HDX: variants seen among roughly 807,000 people sequenced by gnomAD.
HDX encodes the protein highly divergent homeobox, also known as chromosome X open reading frame 43.
HDX carries 19 observed loss-of-function variants against 45.2 expected under a neutral mutation model. The observed-to-expected ratio is 0.42, with a 90% CI of 0.29 to 0.62. The LOEUF (loss-of-function observed/expected upper bound fraction) is 0.62, where lower values mean the gene tolerates loss of function less well. HDX is among the 20% of genes least tolerant of loss of function. The probability of loss-of-function intolerance (pLI) is 0.20; values close to 1 mark genes in which losing one functional copy is unlikely to be tolerated. For synonymous variants in HDX, 188 were observed against 172.8 expected (o/e 1.09, Z -0.69); for missense variants, 532 against 493.9 (o/e 1.08, Z -0.73).
chrX:84,484,888 G>A (rs2040758726), intron 2 of HDX, among the ~76,000 whole-genome samples: 1 of 111,010 alleles, frequency 9.0e-6, no homozygotes, highest in South Asian at 3.8e-4. Context: ...GTTGATCTGG[G>A]ACCTTTCTTC....
intron 3 of HDX, among the ~76,000 whole-genome samples, chrX:84,474,456 G>T (rs1369208626): frequency 3.4e-4 from 38 of 111,691 alleles, no homozygotes; most frequent in Non-Finnish European, 1.1e-4. Flanking sequence ...GGTCTTTGAA[G>T]GTACATCGAA....
At chrX:84,470,581 T>A (rs1175786652) in intron 3 of HDX, among the ~76,000 whole-genome samples, 1 of 111,429 alleles carries the variant, frequency 9.0e-6, no homozygotes, top group Non-Finnish European at 1.9e-5. Context: ...CTTCTTTACA[T>A]TTTTCTCAAC....
Position 84,319,694 on chromosome X carries a change from G to A in HDX, c.*2195C>T, listed in dbSNP as rs901715393. 9.0e-6 allele frequency: 1 copy of A among 111,059 alleles called. No homozygotes were observed. Among genetic ancestry groups the A allele is most frequent in the Non-Finnish European group, 1.9e-5 (1 of 52,499 alleles). The allele number at this position is 111,059 out of a possible 1,213,427, so 9.2% of individuals were successfully genotyped here. A position where few individuals can be genotyped will look rare whatever the true frequency, so the allele number is the denominator to read the frequency against. On this transcript the variant is annotated 3_prime_UTR_variant, in exon 11 of 11. Coordinates refer to ENST00000373177, the MANE Select transcript of HDX (RefSeq NM_001177479.2). ...GCTTTCTCTCAAAATTGTGGACTAG[G>A]AATCCTTCTAAGAATCACACCTAGC...
Position 84,330,863 on chromosome X carries a change from C to T in HDX, c.1824+2896G>A, listed in dbSNP as rs191706293. Among the ~76,000 whole-genome samples the T allele has an allele frequency of 2.7e-3, 297 of 111,970 alleles. 2 individuals carry two copies. The highest frequency in any genetic ancestry group is 9.3e-3 in the African/African-American group (287 of 30,925). On this transcript the variant is annotated intron_variant, in intron 9 of 10. Transcript: ENST00000373177. ...TGCTTTGCAAGCCTATTAAATACTT[C>T]CTAGATAACAGGCAGTAATTTATGT...
intron 5 of HDX, among the ~76,000 whole-genome samples, chrX:84,433,944 T>G (rs931296338): frequency 1.3e-4 from 15 of 111,387 alleles, no homozygotes; most frequent in African/African-American, 4.9e-4. Flanking sequence ...TTCTTTCAGT[T>G]TTTGTAAATA....
intron 8 of HDX, among the ~76,000 whole-genome samples, chrX:84,334,177 T>G (rs933106555): frequency 8.9e-6 from 1 of 111,854 alleles, no homozygotes; most frequent in Non-Finnish European, 1.9e-5. Context: ...TCTATTTTAA[T>G]GCGAGTAAAC....
chrX:84,420,111 A>C lies in HDX; in HGVS notation c.1305+20421T>G, dbSNP rs568269297. ...TCCCAGACACTGAAAAACATCTTTC[A>C]ATACCACCCAGGAAACATAACCTTA... On this transcript the variant is annotated intron_variant, in intron 5 of 10. Transcript: ENST00000373177. 1.4e-4 allele frequency among the ~76,000 whole-genome samples: 16 copies of C among 112,026 alleles called. No homozygotes were observed. The South Asian group carries it at 2.6e-3, about 18-fold the overall frequency.
intron 5 of HDX, among the ~76,000 whole-genome samples, chrX:84,428,864 C>T (rs777351272): frequency 8.1e-5 from 9 of 110,457 alleles, no homozygotes; most frequent in Admixed American, 9.7e-5. Flanking sequence ...ATTATGTCTA[C>T]GATCCATTTT....
At position 84,406,330 on chromosome X, in the gene HDX, A is replaced by T. The variant is rs182204139; in HGVS notation, c.1305+34202T>A. The stretch of plus-strand genomic sequence containing the variant: ...AAATAAGGTAATTTTGGCTAATGTG[A>T]CACGCTATTAAGAAAACTAGGTGAA... On this transcript the variant is annotated intron_variant, in intron 5 of 10. Coordinates refer to ENST00000373177, the MANE Select transcript of HDX (RefSeq NM_001177479.2). 1.1e-3 allele frequency among the ~76,000 whole-genome samples: 123 copies of T among 110,945 alleles called. 1 individual carries two copies. The highest frequency in any genetic ancestry group is 4.7e-3 in the Middle Eastern group (1 of 212).
chrX:84,454,570 C>A (rs932119907), intron 4 of HDX, among the ~76,000 whole-genome samples: 7 of 110,734 alleles, frequency 6.3e-5, no homozygotes, highest in African/African-American at 2.3e-4. Flanking sequence ...GAATAGAACA[C>A]CAACTAGATT....
At chrX:84,436,919 C>G (rs1486031850) in intron 5 of HDX, among the ~76,000 whole-genome samples, 2 of 108,519 alleles carry the variant, frequency 1.8e-5, no homozygotes, top group African/African-American at 6.7e-5. Context: ...GATGATCTGT[C>G]CAATACTGAG....
chrX:84,432,184 A>G (rs1220873738), intron 5 of HDX, among the ~76,000 whole-genome samples: 1 of 111,136 alleles, frequency 9.0e-6, no homozygotes, highest in Non-Finnish European at 1.9e-5. Flanking sequence ...ATTCTGTTCC[A>G]TTGGTCTATG....
chrX:84,490,280 T>A (rs747405287), intron 1 of HDX, among the ~76,000 whole-genome samples: 1 of 111,705 alleles, frequency 9.0e-6, no homozygotes, highest in South Asian at 3.7e-4. Context: ...TTCCTCTTTA[T>A]CCTTGTTTTG....
chrX:84,374,448 C>G (rs971260674), intron 5 of HDX, among the ~76,000 whole-genome samples: 1 of 110,606 alleles, frequency 9.0e-6, no homozygotes, highest in Non-Finnish European at 1.9e-5. Flanking sequence ...GCCTGCATAG[C>G]CAAGACAATC....
At chrX:84,491,829 A>G (rs995263691) in intron 1 of HDX, among the ~76,000 whole-genome samples, 1 of 111,414 alleles carries the variant, frequency 9.0e-6, no homozygotes, top group African/African-American at 3.3e-5. Flanking sequence ...ATGTTTTCCA[A>G]TCTGGCTAGT....
At chrX:84,405,800 C>T (rs1376631581) in intron 5 of HDX, among the ~76,000 whole-genome samples, 1 of 108,861 alleles carries the variant, frequency 9.2e-6, no homozygotes, top group African/African-American at 3.3e-5. Context: ...GACGCTAATC[C>T]AAAACCATGA....
intron 10 of HDX, among the ~76,000 whole-genome samples, chrX:84,323,854 G>A (rs1015958104): frequency 1.8e-5 from 2 of 112,076 alleles, no homozygotes; most frequent in African/African-American, 3.2e-5. Context: ...TCTGACCTAC[G>A]GTCATTTTTC....
chrX:84,331,003 C>T (rs183967534), intron 9 of HDX, among the ~76,000 whole-genome samples: 1 of 111,300 alleles, frequency 9.0e-6, no homozygotes, highest in Admixed American at 9.6e-5. Context: ...TGTTAAAACC[C>T]TACCTACATT....
At chrX:84,376,773 T>C (rs2038066810) in intron 5 of HDX, among the ~76,000 whole-genome samples, 1 of 112,380 alleles carries the variant, frequency 8.9e-6, no homozygotes, top group African/African-American at 3.2e-5. Context: ...TTGACTCTAG[T>C]CCCAGATTCC....
Sources: gnomAD v4.1 joint callset for allele counts (sites outside exome capture counted in the v4.1 genomes callset) on GRCh38, gnomAD v4.1.1 for gene constraint, MANE v1.5 for transcripts, NCBI Gene and HGNC (gene_info 2026-07-23, HGNC 2026-07-21) for gene names.